The following MAP3K9 variants were observed in gnomAD, a reference collection of about 807,000 sequenced individuals.
MAP3K9 encodes the protein mixed lineage kinase 1 (tyr and ser/thr specificity).
MAP3K9 carries 46 observed loss-of-function variants against 95.8 expected under a neutral mutation model. The ratio of observed to expected loss-of-function variants is 0.48; its 90% confidence interval spans 0.38 to 0.61. The LOEUF (loss-of-function observed/expected upper bound fraction) is 0.61, where lower values mean the gene tolerates loss of function less well. Ranked by LOEUF, MAP3K9 falls within the 20% of genes least tolerant of loss-of-function variation. The probability of loss-of-function intolerance (pLI) is 0.00; values close to 1 mark genes in which losing one functional copy is unlikely to be tolerated. For synonymous variants in MAP3K9, 533 were observed against 593.8 expected (o/e 0.90, Z 1.49); for missense variants, 1,296 against 1,474.3 (o/e 0.88, Z 1.98).
chr14:70,742,680 T>TTA, intron 5 of MAP3K9, 89 bp from the exon 6 acceptor site: 1 of 1,474,552 alleles, frequency 6.8e-7, no homozygotes, highest in Non-Finnish European at 9.1e-7. Flanking sequence ...CCCAGAGGGC[T>TTA]TATGGTGACC....
At chr14:70,739,245 T>C (rs1359719905) in intron 7 of MAP3K9, among the ~76,000 whole-genome samples, 1 of 152,190 alleles carries the variant, frequency 6.6e-6, no homozygotes, top group African/African-American at 2.4e-5. Context: ...TTCTCTTGCC[T>C]CAGTCTCCCA....
intron 2 of MAP3K9, among the ~76,000 whole-genome samples, chr14:70,784,092 T>C (rs2054716678): frequency 6.6e-6 from 1 of 151,878 alleles, no homozygotes; most frequent in Non-Finnish European, 1.5e-5. Flanking sequence ...GAGACCAGCT[T>C]GACCAACATG....
At chr14:70,777,376 A>G (rs935723250) in intron 2 of MAP3K9, among the ~76,000 whole-genome samples, 1 of 152,224 alleles carries the variant, frequency 6.6e-6, no homozygotes, top group African/African-American at 2.4e-5. Flanking sequence ...AAGGCAAAGA[A>G]TAAGTGTCCA....
At chr14:70,757,937 A>G (rs1266032488) in intron 3 of MAP3K9, among the ~76,000 whole-genome samples, 1 of 152,222 alleles carries the variant, frequency 6.6e-6, no homozygotes, top group East Asian at 1.9e-4. Flanking sequence ...AAGAGCTAAG[A>G]TTATAAAACT....
In MAP3K9 at chr14:70,747,977, G is replaced by A. The variant is rs562928546; in HGVS notation, c.1326+852C>T. 3.3e-5 allele frequency among the ~76,000 whole-genome samples: 5 copies of A among 151,078 alleles called. No homozygotes were observed. In the South Asian group the frequency reaches 6.3e-4, roughly 19 times the overall value. On this transcript the variant is annotated intron_variant, in intron 5 of 11. Coordinates refer to ENST00000554752, the MANE Select transcript of MAP3K9 (RefSeq NM_001284230.2). ...CAAGAAATTAGCCGGGCGAGGTGGC[G>A]GGCGCCTGTAGTCCCAGCTACTCGG...
chr14:70,766,086 T>A (rs2054451297), intron 2 of MAP3K9, among the ~76,000 whole-genome samples: 1 of 151,728 alleles, frequency 6.6e-6, no homozygotes, highest in African/African-American at 2.4e-5. Flanking sequence ...GCCTTTCAGG[T>A]TTGGGTGACA....
At chr14:70,757,705 A>G (rs933687053) in intron 3 of MAP3K9, among the ~76,000 whole-genome samples, 2 of 152,238 alleles carry the variant, frequency 1.3e-5, no homozygotes, top group African/African-American at 4.8e-5. Context: ...ATAAGGACAG[A>G]TATAGATTAA....
intron 8 of MAP3K9, 143 bp downstream of exon 8, chr14:70,738,102 A>C: frequency 2.1e-6 from 2 of 950,860 alleles, no homozygotes; most frequent in Non-Finnish European, 3.0e-6. Context: ...GAGGGTGAAA[A>C]ACTGTTGTAA....
chr14:70,750,040 G>C lies in MAP3K9; in HGVS notation c.1043C>G (p.Pro348Arg). Residue 348 changes from proline (P) to arginine (R), a missense_variant, in exon 4 of 12, where the codon CCC becomes CGC. By Grantham distance (103) the Pro-to-Arg change is moderately radical (BLOSUM62 -2). Coordinates refer to ENST00000554752, the MANE Select transcript of MAP3K9 (RefSeq NM_001284230.2). The part of the protein sequence containing the change: ...LLWELLTGEV[P>R]FRGIDGLAVA... ...TGCTAAGCCATCAATGCCTCGAAAGGGCACCTCACCAGTCAGCAACTCCCA... is the reference window on the plus strand; with the variant it reads ...TGCTAAGCCATCAATGCCTCGAAAGCGCACCTCACCAGTCAGCAACTCCCA... The C allele has an allele frequency of 6.2e-7, 1 of 1,614,150 alleles. No homozygotes were observed. The highest frequency in any genetic ancestry group is 8.5e-7 in the Non-Finnish European group (1 of 1,180,028).
At chr14:70,760,033 G>C (rs544870957) in intron 3 of MAP3K9, among the ~76,000 whole-genome samples, 1 of 146,012 alleles carries the variant, frequency 6.8e-6, no homozygotes, top group Non-Finnish European at 1.5e-5. Flanking sequence ...TGGGATTACA[G>C]GCATGAGCCA....
At chr14:70,793,386 T>G (rs1348295984) in intron 2 of MAP3K9, among the ~76,000 whole-genome samples, 1 of 152,128 alleles carries the variant, frequency 6.6e-6, no homozygotes, top group Admixed American at 6.5e-5. Context: ...CTAACGAGGA[T>G]GAAAAGCAAA....
Position 70,730,466 on chromosome 14 carries a change from G to A in MAP3K9, c.3229C>T (p.Gln1077Ter). 1.2e-6 allele frequency: 2 copies of A among 1,614,168 alleles called. No individual in the cohort carries two copies. Among genetic ancestry groups the A allele is most frequent in the Non-Finnish European group, 1.7e-6 (2 of 1,180,040 alleles). ...LLDLDAEGQS[Q>*]DSTVPLCRAE... is the part of the protein sequence containing the mutation. ...CTGCACAGCGGCACGGTGCTGTCCT[G>A]ACTCTGCCCCTCTGCATCCAGGTCC... is the stretch of plus-strand genomic sequence containing the variant. The change falls in exon 12 of 12, where the codon CAG (glutamine) becomes TAG (stop). Residue 1077 changes from glutamine to a stop codon, truncating the protein, a stop_gained. Transcript: ENST00000554752. LOFTEE classifies it high-confidence loss of function.
rs1232686249 is a variant in MAP3K9 at position 70,795,746 on chromosome 14, T to G, written c.820+4921A>C. Reference sequence around the variant, plus strand: ...TTGAATATTGATATCTTTACTTATTTAACTTTTTTCATTCTTTTTTCTTTT... The same window carrying G: ...TTGAATATTGATATCTTTACTTATTGAACTTTTTTCATTCTTTTTTCTTTT... On this transcript the variant is annotated intron_variant, in intron 2 of 11. Transcript: ENST00000554752. Among the ~76,000 whole-genome samples the G allele has an allele frequency of 4.6e-5, 7 of 151,416 alleles. No individual in the cohort carries two copies. In the Admixed American group the frequency reaches 4.6e-4, roughly 10 times the overall value.
chr14:70,734,371 A>C lies in MAP3K9; in HGVS notation c.2026+15T>G, dbSNP rs763731681. ...CAGGGAGACAGCCAAGACTCTCAAGAGGAGCTATGCTTACCCATCTCCATA... is the reference window on the plus strand; with the variant it reads ...CAGGGAGACAGCCAAGACTCTCAAGCGGAGCTATGCTTACCCATCTCCATA... On this transcript the variant is annotated intron_variant, in intron 10 of 11. Coordinates refer to ENST00000554752, the MANE Select transcript of MAP3K9 (RefSeq NM_001284230.2). The C allele has an allele frequency of 1.3e-6, 2 of 1,575,228 alleles. No homozygotes were observed. The highest frequency in any genetic ancestry group is 1.7e-6 in the Non-Finnish European group (2 of 1,144,526).
At chr14:70,753,309 T>G (rs574428868) in intron 3 of MAP3K9, among the ~76,000 whole-genome samples, 1 of 152,164 alleles carries the variant, frequency 6.6e-6, no homozygotes, top group African/African-American at 2.4e-5. Flanking sequence ...AGAGCTACAG[T>G]GTTGGTGAGA....
chr14:70,808,908 C>T lies in MAP3K9; in HGVS notation c.264G>A (p.Val88=). ...CGGTCCACCAGCCCTCGTCGCCGGA[C>T]ACCTGCGAGTCCTTGGACAGCACCT... ...VVEVLSKDSQ[V]SGDEGWWTGQ... is the part of the protein sequence containing the mutation. The change falls in exon 1 of 12, where the codon GTG becomes GTA. Residue 88 remains valine, a synonymous_variant. Coordinates refer to ENST00000554752, the MANE Select transcript of MAP3K9 (RefSeq NM_001284230.2). 6.3e-7 allele frequency: 1 copy of T among 1,595,350 alleles called. No individual in the cohort carries two copies.
chr14:70,803,771 G>T (rs568492022), intron 1 of MAP3K9, among the ~76,000 whole-genome samples: 1 of 152,208 alleles, frequency 6.6e-6, no homozygotes, highest in South Asian at 2.1e-4. Context: ...TCTTCCTGAA[G>T]AATGAATGTC....
chr14:70,767,279 A>G (rs10873242), intron 2 of MAP3K9, among the ~76,000 whole-genome samples: 135,171 of 151,534 alleles, frequency 0.89, 60,350 homozygotes, highest in Middle Eastern at 0.94. Flanking sequence ...AGCTACTTGG[A>G]AGGCTGAGGC....
At chr14:70,750,171 T>A in intron 3 of MAP3K9, 90 bp from the exon 4 acceptor site, 1 of 1,122,366 alleles carries the variant, frequency 8.9e-7, no homozygotes, top group African/African-American at 1.5e-5. Context: ...CATCCCACAT[T>A]CTCCCCAACA....
Sources: gnomAD v4.1 joint callset for allele counts (sites outside exome capture counted in the v4.1 genomes callset) on GRCh38, gnomAD v4.1.1 for gene constraint, MANE v1.5 for transcripts, NCBI Gene and HGNC (gene_info 2026-07-23, HGNC 2026-07-21) for gene names.